The following TRIM56 variants were observed in gnomAD, a reference collection of about 807,000 sequenced individuals.
The protein encoded by TRIM56 is E3 ubiquitin-protein ligase TRIM56.
A neutral mutation model predicts 17.1 loss-of-function variants in TRIM56; 10 were observed. The observed-to-expected ratio is 0.58, with a 90% CI of 0.36 to 0.99. The LOEUF is 0.99. TRIM56 is among the 50% of genes least tolerant of loss of function. TRIM56 has a pLI of 0.01. For synonymous variants in TRIM56, 503 were observed against 473.5 expected (o/e 1.06, Z -0.81); for missense variants, 923 against 1,052.3 (o/e 0.88, Z 1.70).
At position 101,088,211 on chromosome 7, in the gene TRIM56, A is replaced by G; in HGVS notation, c.899A>G (p.Gln300Arg). 1 of 1,470,070 alleles carries G rather than the reference A, an allele frequency of 6.8e-7. No individual in the cohort carries two copies. The highest frequency in any genetic ancestry group is 9.0e-7 in the Non-Finnish European group (1 of 1,115,432). The allele number at this position is 1,470,070 out of a possible 1,614,324, so 91.1% of individuals were successfully genotyped here. ...CTGGCGGAGCTTGAGGGCCGGGAGC[A>G]GGTGGCCAGGGCCGCAGCCGCCTTC... Reference protein sequence around the residue: ...ERLAELEGREQVARAAAAFAR... With the variant: ...ERLAELEGRERVARAAAAFAR... Residue 300 changes from glutamine to arginine, a missense_variant, in exon 3 of 3, where the codon CAG becomes CGG. By Grantham distance (43) the Gln-to-Arg change is conservative (BLOSUM62 1). Around this residue, in one of 3 missense-constraint regions of TRIM56, gnomAD observed 643 missense variants for 665.6 expected, o/e 0.97. Transcript: ENST00000306085.
At position 101,088,217 on chromosome 7, in the gene TRIM56, C is replaced by A; in HGVS notation, c.905C>A (p.Ala302Asp). 6.8e-7 allele frequency: 1 copy of A among 1,464,822 alleles called. No individual in the cohort carries two copies. Among genetic ancestry groups the A allele is most frequent in the Non-Finnish European group, 9.0e-7 (1 of 1,113,820 alleles). 90.7% of individuals were successfully genotyped at this position (1,464,822 alleles called of 1,614,324 possible). The change falls in exon 3 of 3, where the codon GCC becomes GAC. Residue 302 changes from alanine to aspartate, a missense_variant. This residue lies in a region of TRIM56 where 643 missense variants were observed against 665.6 expected (regional missense o/e 0.97). Coordinates refer to ENST00000306085, the MANE Select transcript of TRIM56 (RefSeq NM_030961.3). ...LAELEGREQV[A>D]RAAAAFARRV... ...GAGCTTGAGGGCCGGGAGCAGGTGG[C>A]CAGGGCCGCAGCCGCCTTCGCCCGC...
In TRIM56 at chr7:101,093,166, C is replaced by G. The variant is rs1484397567; in HGVS notation, c.*3586C>G. ...GCTCCTTAAGAGTCATCACCACTCCCTAATCTCAAGTACCCAGGGACACAA... is the reference window on the plus strand; with the variant it reads ...GCTCCTTAAGAGTCATCACCACTCCGTAATCTCAAGTACCCAGGGACACAA... On this transcript the variant is annotated 3_prime_UTR_variant, in exon 3 of 3. Transcript: ENST00000306085. 6.0e-6 allele frequency: 1 copy of G among 165,700 alleles called. No individual in the cohort carries two copies. Among genetic ancestry groups the G allele is most frequent in the Non-Finnish European group, 1.3e-5 (1 of 77,942 alleles). 10.3% of individuals were successfully genotyped at this position (165,700 alleles called of 1,614,324 possible). A position where few individuals can be genotyped will look rare whatever the true frequency, so the allele number is the denominator to read the frequency against.
At position 101,095,560 on chromosome 7, in the gene TRIM56, C is replaced by T. The variant is rs765828746; in HGVS notation, c.*5980C>T. On this transcript the variant is annotated 3_prime_UTR_variant, in exon 3 of 3. Transcript: ENST00000306085. ...TGGTGAAATGATTCTAGCCACGTGG[C>T]CCACCCAGGGGGCAAAACAATAGAA... is the stretch of plus-strand genomic sequence containing the variant. The T allele has an allele frequency of 2.6e-5, 4 of 152,092 alleles. No individual in the cohort carries two copies. The highest frequency in any genetic ancestry group is 4.4e-5 in the Non-Finnish European group (3 of 68,044). The allele number at this position is 152,092 out of a possible 1,614,324, so 9.4% of individuals were successfully genotyped here.
chr7:101,086,964 A>C, intron 1 of TRIM56, 42 bp from the exon 2 acceptor site: 1 of 249,642 alleles, frequency 4.0e-6, no homozygotes, highest in Non-Finnish European at 7.7e-6. Context: ...GACACTGAGG[A>C]TTCGATTATT....
rs576426651 is a variant in TRIM56 at position 101,093,340 on chromosome 7, T to TAAAAAAAAAAAA, written c.*3768_*3779dup. On this transcript the variant is annotated 3_prime_UTR_variant, in exon 3 of 3. Transcript: ENST00000306085. The stretch of plus-strand genomic sequence containing the variant: ...CACCCAAGAATGATCAATAAAAAAT[T>TAAAAAAAAAAAA]AAAAAAAAAAAAAAAAAAAGAAAAC... The TAAAAAAAAAAAA allele has an allele frequency of 1.1e-4, 10 of 90,804 alleles. No individual in the cohort carries two copies. The highest frequency in any genetic ancestry group is 2.0e-4 in the Non-Finnish European group (8 of 39,086). The allele number at this position is 90,804 out of a possible 1,614,324, so 5.6% of individuals were successfully genotyped here. A position where few individuals can be genotyped will look rare whatever the true frequency, so the allele number is the denominator to read the frequency against.
In TRIM56 at chr7:101,088,813, A is replaced by T. The variant is rs1370079998; in HGVS notation, c.1501A>T (p.Met501Leu). 6.2e-7 allele frequency: 1 copy of T among 1,613,734 alleles called. No homozygotes were observed. Among genetic ancestry groups the T allele is most frequent in the Non-Finnish European group, 8.5e-7 (1 of 1,180,018 alleles). ...PIFYCSFPTR[M>L]PGDKRSPRIT... ...CTTTTACTGCAGTTTCCCCACGCGG[A>T]TGCCTGGAGACAAGCGGTCCCCCCG... The change falls in exon 3 of 3, where the codon ATG becomes TTG. Residue 501 changes from methionine to leucine, a missense_variant. By Grantham distance (15) the Met-to-Leu change is conservative. This residue lies in a region of TRIM56 where 643 missense variants were observed against 665.6 expected (regional missense o/e 0.97). Coordinates refer to ENST00000306085, the MANE Select transcript of TRIM56 (RefSeq NM_030961.3).
rs762167530 is a variant in TRIM56 at position 101,089,046 on chromosome 7, A to T, written c.1734A>T (p.Glu578Asp). Residue 578 changes from glutamate to aspartate, a missense_variant, in exon 3 of 3, where the codon GAA (glutamate) becomes GAT (aspartate). Transcript: ENST00000306085. ...ARLYLINPNG[E>D]VQWRRALSLS... ...TCTATCTCATCAACCCCAACGGCGA[A>T]GTGCAGTGGCGCAGGGCCCTGAGCC... is the stretch of plus-strand genomic sequence containing the variant. The T allele has an allele frequency of 6.2e-7, 1 of 1,601,736 alleles. No individual in the cohort carries two copies. Among genetic ancestry groups the T allele is most frequent in the Non-Finnish European group, 8.5e-7 (1 of 1,177,988 alleles).
In TRIM56 at chr7:101,088,066, G is replaced by T; in HGVS notation, c.754G>T (p.Gly252Trp). ...GCTGCGGGAGCAGGCGGCCCGGGTG[G>T]GGACTCAGGTGGAGGAGGCGGCTGA... Reference protein sequence around the residue: ...ARLREQAARVGTQVEEAAEGV... With the variant: ...ARLREQAARVWTQVEEAAEGV... Residue 252 changes from glycine (G) to tryptophan (W), a missense_variant, in exon 3 of 3, where the codon GGG (glycine) becomes TGG (tryptophan). Physicochemically the swap from Gly to Trp is radical, Grantham distance 184 (BLOSUM62 -2). This residue lies in a region of TRIM56 where 643 missense variants were observed against 665.6 expected (regional missense o/e 0.97). Transcript: ENST00000306085. The T allele has an allele frequency of 6.5e-7, 1 of 1,527,668 alleles. No individual in the cohort carries two copies. 94.6% of individuals were successfully genotyped at this position (1,527,668 alleles called of 1,614,324 possible).
At position 101,091,921 on chromosome 7, in the gene TRIM56, G is replaced by C. The variant is rs969516493; in HGVS notation, c.*2341G>C. ...TCCTGCCTCAGCCTGCCGAGTGCCT[G>C]CGATTGCAGGCGCGCGCCGCCACGC... On this transcript the variant is annotated 3_prime_UTR_variant, in exon 3 of 3. Transcript: ENST00000306085. 3.3e-6 allele frequency: 1 copy of C among 306,074 alleles called. No individual in the cohort carries two copies. The highest frequency in any genetic ancestry group is 6.5e-6 in the Non-Finnish European group (1 of 154,736). The allele number at this position is 306,074 out of a possible 1,614,324, so 19.0% of individuals were successfully genotyped here. A position where few individuals can be genotyped will look rare whatever the true frequency, so the allele number is the denominator to read the frequency against.
rs1213310136 is a variant in TRIM56 at position 101,087,776 on chromosome 7, G to A, written c.464G>A (p.Gly155Glu). Residue 155 changes from glycine (G) to glutamate (E), a missense_variant, in exon 3 of 3, where the codon GGG becomes GAG. This residue lies in a region of TRIM56 where 643 missense variants were observed against 665.6 expected (regional missense o/e 0.97). Transcript: ENST00000306085. ...RVVDLVGYRAGWYDEEARERQ... is the reference protein window; with the variant it reads ...RVVDLVGYRAEWYDEEARERQ... ...GTGGACCTGGTGGGCTACAGGGCCG[G>A]GTGGTATGATGAGGAGGCCCGGGAG... The A allele has an allele frequency of 6.2e-7, 1 of 1,606,924 alleles. No homozygotes were observed. Among genetic ancestry groups the A allele is most frequent in the Non-Finnish European group, 8.5e-7 (1 of 1,178,360 alleles).
rs766646612 is a variant in TRIM56, at chr7:101,087,484, G to C, written c.172G>C (p.Glu58Gln). The C allele has an allele frequency of 3.7e-6, 6 of 1,613,418 alleles. No homozygotes were observed. The African/African-American group carries it at 5.3e-5, about 14-fold the overall frequency. ...LADGGRVRCP[E>Q]CRETVPVPPE... ...GGATGGCGGCCGCGTCCGCTGCCCC[G>C]AGTGCCGCGAGACAGTGCCTGTGCC... The change falls in exon 3 of 3, where the codon GAG (glutamate) becomes CAG (glutamine). Residue 58 changes from glutamate (E) to glutamine (Q), a missense_variant. Around this residue, in one of 3 missense-constraint regions of TRIM56, gnomAD observed 98 missense variants for 143.6 expected, o/e 0.68. Coordinates refer to ENST00000306085, the MANE Select transcript of TRIM56 (RefSeq NM_030961.3).
At position 101,088,080 on chromosome 7, in the gene TRIM56, G is replaced by A. The variant is rs1795483422; in HGVS notation, c.768G>A (p.Glu256=). 1.3e-6 allele frequency: 2 copies of A among 1,518,386 alleles called. No individual in the cohort carries two copies. The highest frequency in any genetic ancestry group is 1.8e-6 in the Non-Finnish European group (2 of 1,134,440). The allele number at this position is 1,518,386 out of a possible 1,614,324, so 94.1% of individuals were successfully genotyped here. ...EQAARVGTQV[E]EAAEGVLRAL... is the part of the protein sequence containing the mutation. ...CGGCCCGGGTGGGGACTCAGGTGGA[G>A]GAGGCGGCTGAGGGCGTCCTCCGGG... Residue 256 remains glutamate (E), a synonymous_variant, in exon 3 of 3, where the codon GAG becomes GAA. Transcript: ENST00000306085.
chr7:101,088,765 T>C lies in TRIM56; in HGVS notation c.1453T>C (p.Ser485Pro). 6.2e-7 allele frequency: 1 copy of C among 1,613,956 alleles called. No homozygotes were observed. The highest frequency in any genetic ancestry group is 8.5e-7 in the Non-Finnish European group (1 of 1,180,018). Residue 485 changes from serine to proline, a missense_variant, in exon 3 of 3, where the codon TCT (serine) becomes CCT (proline). Physicochemically the swap from Ser to Pro is moderately conservative, Grantham distance 74 (BLOSUM62 -1). Around this residue, in one of 3 missense-constraint regions of TRIM56, gnomAD observed 643 missense variants for 665.6 expected, o/e 0.97. Transcript: ENST00000306085. ...AGCCCTGGGGCCGAATCTGGACGGC[T>C]CTGGCCTCCTCCCCAGACCCATCTT... The part of the protein sequence containing the change: ...SPALGPNLDG[S>P]GLLPRPIFYC...
In TRIM56 at chr7:101,093,989, A is replaced by T. The variant is rs1025714084; in HGVS notation, c.*4409A>T. 6.6e-6 allele frequency: 1 copy of T among 152,220 alleles called. No individual in the cohort carries two copies. Among genetic ancestry groups the T allele is most frequent in the Non-Finnish European group, 1.5e-5 (1 of 68,044 alleles). The allele number at this position is 152,220 out of a possible 1,614,324, so 9.4% of individuals were successfully genotyped here. ...CTTTGCAAGAATGACAAAAATGATT[A>T]TAAGAATCAGTTGTCTCACTTTGGG... On this transcript the variant is annotated 3_prime_UTR_variant, in exon 3 of 3. Coordinates refer to ENST00000306085, the MANE Select transcript of TRIM56 (RefSeq NM_030961.3).
In TRIM56 at chr7:101,094,309, T is replaced by C. The variant is rs1218917053; in HGVS notation, c.*4729T>C. 1 of 151,878 alleles carries C rather than the reference T, an allele frequency of 6.6e-6. No individual in the cohort carries two copies. The highest frequency in any genetic ancestry group is 1.9e-4 in the East Asian group (1 of 5,158). The allele number at this position is 151,878 out of a possible 1,614,324, so 9.4% of individuals were successfully genotyped here. ...TGTCTAAATAATTACTGAGTAGAAA[T>C]AGGTTCGGAATTTGTAAATAGTCAT... is the stretch of plus-strand genomic sequence containing the variant. On this transcript the variant is annotated 3_prime_UTR_variant, in exon 3 of 3. Coordinates refer to ENST00000306085, the MANE Select transcript of TRIM56 (RefSeq NM_030961.3).
Position 101,088,569 on chromosome 7 carries a change from A to C in TRIM56, c.1257A>C (p.Pro419=), listed in dbSNP as rs1027480753. ...AGGCTGGAGATGGAGCCCAGACCCCAAAAGAGGAAAAAGCCCAGACAACCC... is the reference window on the plus strand; with the variant it reads ...AGGCTGGAGATGGAGCCCAGACCCCCAAAGAGGAAAAAGCCCAGACAACCC... ...QPQAGDGAQT[P]KEEKAQTTRE... Residue 419 remains proline, a synonymous_variant, in exon 3 of 3, where the codon CCA becomes CCC. Coordinates refer to ENST00000306085, the MANE Select transcript of TRIM56 (RefSeq NM_030961.3). 6.2e-6 allele frequency: 10 copies of C among 1,609,400 alleles called. No homozygotes were observed. Among genetic ancestry groups the C allele is most frequent in the Admixed American group, 1.7e-5 (1 of 59,882 alleles).
chr7:101,089,129 G>A lies in TRIM56; in HGVS notation c.1817G>A (p.Ser606Asn). The A allele has an allele frequency of 6.2e-7, 1 of 1,607,104 alleles. No individual in the cohort carries two copies. The highest frequency in any genetic ancestry group is 8.5e-7 in the Non-Finnish European group (1 of 1,178,436). The change falls in exon 3 of 3, where the codon AGC (serine) becomes AAC (asparagine). Residue 606 changes from serine to asparagine, a missense_variant. Physicochemically the swap from Ser to Asn is conservative, Grantham distance 46. Around this residue, in one of 3 missense-constraint regions of TRIM56, gnomAD observed 182 missense variants for 243.1 expected, o/e 0.75. Coordinates refer to ENST00000306085, the MANE Select transcript of TRIM56 (RefSeq NM_030961.3). Reference protein sequence around the residue: ...ALPSGDRVAVSVAGHVEVYNM... With the variant: ...ALPSGDRVAVNVAGHVEVYNM... Reference sequence around the variant, plus strand: ...CCTAGCGGGGACCGCGTGGCTGTCAGCGTGGCGGGCCACGTGGAGGTGTAC... The same window carrying A: ...CCTAGCGGGGACCGCGTGGCTGTCAACGTGGCGGGCCACGTGGAGGTGTAC...
In TRIM56 at chr7:101,087,940, C is replaced by T. The variant is rs745488746; in HGVS notation, c.628C>T (p.Arg210Cys). 1.3e-5 allele frequency: 21 copies of T among 1,599,788 alleles called. No homozygotes were observed. The highest frequency in any genetic ancestry group is 2.2e-5 in the East Asian group (1 of 44,666). Residue 210 changes from arginine to cysteine, a missense_variant, in exon 3 of 3, where the codon CGT becomes TGT. By Grantham distance (180) the Arg-to-Cys change is radical. Around this residue, in one of 3 missense-constraint regions of TRIM56, gnomAD observed 643 missense variants for 665.6 expected, o/e 0.97. Transcript: ENST00000306085. ...CTGCCTGCCTCTGGCTGAAGCTGTG[C>T]GTGCCCGGAGGCCGGGCCTGGAGGG... The part of the protein sequence containing the change: ...HPCLPLAEAV[R>C]ARRPGLEGLL...
rs972999742 is a variant in TRIM56, at chr7:101,093,423, T to C, written c.*3843T>C. The C allele has an allele frequency of 6.7e-6, 1 of 150,050 alleles. No individual in the cohort carries two copies. The highest frequency in any genetic ancestry group is 2.5e-5 in the African/African-American group (1 of 40,556). 9.3% of individuals were successfully genotyped at this position (150,050 alleles called of 1,614,324 possible). A position where few individuals can be genotyped will look rare whatever the true frequency, so the allele number is the denominator to read the frequency against. On this transcript the variant is annotated 3_prime_UTR_variant, in exon 3 of 3. Coordinates refer to ENST00000306085, the MANE Select transcript of TRIM56 (RefSeq NM_030961.3). Reference sequence around the variant, plus strand: ...TGACGAGGAAAGCCTTGGTCTCTAATACATGCAATGACTAGAACAGTATTT... The same window carrying C: ...TGACGAGGAAAGCCTTGGTCTCTAACACATGCAATGACTAGAACAGTATTT...
Sources: gnomAD v4.1 joint callset for allele counts on GRCh38, gnomAD v4.1.1 for gene constraint, gnomAD v4.1.1 regional missense constraint, MANE v1.5 for transcripts, NCBI Gene and HGNC (gene_info 2026-07-23, HGNC 2026-07-21) for gene names.